ITPR2: variants seen among roughly 807,000 people sequenced by gnomAD.
ITPR2 encodes the protein inositol 1,4,5-trisphosphate receptor type 2, also known as inositol 1,4,5-trisphosphate-gated calcium channel ITPR2.
ITPR2 carries 207 observed loss-of-function variants against 317.1 expected under a neutral mutation model. That is an observed-to-expected ratio of 0.65 (90% confidence interval 0.58 to 0.73). The LOEUF (loss-of-function observed/expected upper bound fraction) is 0.73. ITPR2 is among the 30% of genes least tolerant of loss of function. ITPR2 has a pLI of 0.00. For synonymous variants in ITPR2, 1,156 were observed against 1,149.1 expected (o/e 1.01, Z -0.12); for missense variants, 2,613 against 3,284.0 (o/e 0.80, Z 4.99).
intron 21 of ITPR2, among the ~76,000 whole-genome samples, chr12:26,645,378 T>G (rs1239780580): frequency 6.6e-6 from 1 of 152,252 alleles, no homozygotes; most frequent in Non-Finnish European, 1.5e-5. Flanking sequence ...CTGCCTTTTC[T>G]TAGAGTCTAA....
intron 37 of ITPR2, among the ~76,000 whole-genome samples, chr12:26,537,811 C>G (rs909824019): frequency 1.3e-5 from 2 of 152,208 alleles, no homozygotes; most frequent in Non-Finnish European, 2.9e-5. Context: ...ATAGACCTAA[C>G]AACTTCACCG....
chr12:26,431,951 G>A (rs750934796), intron 48 of ITPR2, among the ~76,000 whole-genome samples: 47 of 152,154 alleles, frequency 3.1e-4, no homozygotes, highest in Non-Finnish European at 5.1e-4. Flanking sequence ...TGTGGTCCAA[G>A]ACTTACCAGG....
intron 53 of ITPR2, 131 bp downstream of exon 53, chr12:26,399,997 G>C (rs1477222096): frequency 1.1e-6 from 1 of 878,542 alleles, no homozygotes; most frequent in Non-Finnish European, 1.6e-6. Flanking sequence ...GGCTTTAACA[G>C]CCATGGTTAT....
chr12:26,346,623 C>CA (rs35862587), intron 55 of ITPR2, among the ~76,000 whole-genome samples: 32,174 of 135,324 alleles, frequency 0.24, 3,810 homozygotes, highest in East Asian at 0.52. Flanking sequence ...AAGACTTTCT[C>CA]AAAAAAAAAA....
chr12:26,638,491 C>T (rs562696021), intron 21 of ITPR2, among the ~76,000 whole-genome samples: 9 of 152,276 alleles, frequency 5.9e-5, no homozygotes, highest in South Asian at 2.1e-4. Context: ...CCCAGCCCCA[C>T]GACCAAAGGC....
Position 26,348,967 on chromosome 12 carries a change from G to A in ITPR2, c.7858-8639C>T, listed in dbSNP as rs141049460. ...CCTATAGTCCATCTTGGTCAACAGA[G>A]CAAGACCTCATCTCTACTAAAAATT... On this transcript the variant is annotated intron_variant, in intron 55 of 56. Transcript: ENST00000381340. Among the ~76,000 whole-genome samples the A allele has an allele frequency of 1.9e-3, 283 of 152,250 alleles. 1 individual carries two copies. The highest frequency in any genetic ancestry group is 0.01 in the Middle Eastern group (3 of 294).
At chr12:26,639,268 C>T (rs1946929371) in intron 21 of ITPR2, among the ~76,000 whole-genome samples, 2 of 152,146 alleles carry the variant, frequency 1.3e-5, no homozygotes, top group African/African-American at 2.4e-5. Flanking sequence ...GGGAAGTCTA[C>T]ATATAGGATA....
rs1944494624 is a variant in ITPR2 at position 26,550,332 on chromosome 12, A to G, written c.4988T>C (p.Leu1663Pro). The change falls in exon 37 of 57, where the codon CTA (leucine) becomes CCA (proline). Residue 1663 changes from leucine (L) to proline (P), a missense_variant. Physicochemically the swap from Leu to Pro is moderately conservative, Grantham distance 98. Coordinates refer to ENST00000381340, the MANE Select transcript of ITPR2 (RefSeq NM_002223.4). Reference sequence around the variant, plus strand: ...GCACAGTTTTTCTTCTTTCTCCATTAGTTTCTTTGTATGATTAATCAACCT... The same window carrying G: ...GCACAGTTTTTCTTCTTTCTCCATTGGTTTCTTTGTATGATTAATCAACCT... ...MSKLINHTKK[L>P]MEKEEKLCIK... The G allele has an allele frequency of 6.8e-7, 1 of 1,462,728 alleles. No homozygotes were observed. The highest frequency in any genetic ancestry group is 1.7e-5 in the Admixed American group (1 of 57,418). The allele number at this position is 1,462,728 out of a possible 1,614,324, so 90.6% of individuals were successfully genotyped here. A position where few individuals can be genotyped will look rare whatever the true frequency, so the allele number is the denominator to read the frequency against.
At chr12:26,495,809 G>C (rs950712472) in intron 37 of ITPR2, among the ~76,000 whole-genome samples, 15 of 152,174 alleles carry the variant, frequency 9.9e-5, no homozygotes, top group Non-Finnish European at 1.8e-4. Context: ...GGCTTAGGTA[G>C]AGGAATTTAG....
At chr12:26,680,070 A>G (rs1409867720) in intron 13 of ITPR2, among the ~76,000 whole-genome samples, 1 of 152,106 alleles carries the variant, frequency 6.6e-6, no homozygotes, top group Non-Finnish European at 1.5e-5. Context: ...AAAAGTCTTA[A>G]GAAGATTTTA....
chr12:26,652,926 C>T (rs922707102), intron 21 of ITPR2, among the ~76,000 whole-genome samples: 1 of 152,156 alleles, frequency 6.6e-6, no homozygotes, highest in Non-Finnish European at 1.5e-5. Flanking sequence ...CCAAGACAAT[C>T]GTCATAAAAA....
intron 2 of ITPR2, among the ~76,000 whole-genome samples, chr12:26,732,358 C>A (rs1359884996): frequency 6.6e-6 from 1 of 152,140 alleles, no homozygotes; most frequent in Non-Finnish European, 1.5e-5. Context: ...TTCCCTAGAT[C>A]CTTCAGGATA....
chr12:26,538,496 C>T (rs1447421942), intron 37 of ITPR2, among the ~76,000 whole-genome samples: 2 of 152,186 alleles, frequency 1.3e-5, no homozygotes, highest in Non-Finnish European at 2.9e-5. Context: ...GGAGAAGCAT[C>T]AAAGAAAGCA....
chr12:26,549,447 T>A (rs1944470097), intron 37 of ITPR2, among the ~76,000 whole-genome samples: 1 of 152,122 alleles, frequency 6.6e-6, no homozygotes, highest in South Asian at 2.1e-4. Context: ...AGCATATACA[T>A]AAAGTAATAC....
intron 9 of ITPR2, among the ~76,000 whole-genome samples, chr12:26,704,596 A>T (rs913137807): frequency 3.1e-5 from 4 of 128,706 alleles, no homozygotes; most frequent in African/African-American, 1.0e-4. Context: ...CATGCTAGTT[A>T]TTAATAATGA....
chr12:26,487,757 A>G (rs1054563448), intron 39 of ITPR2, among the ~76,000 whole-genome samples: 8 of 152,190 alleles, frequency 5.3e-5, no homozygotes, highest in South Asian at 2.1e-4. Context: ...GAGTTTATGG[A>G]AAGTTACAAA....
At chr12:26,754,226 CT>C (rs1285522152) in intron 2 of ITPR2, among the ~76,000 whole-genome samples, 1 of 152,060 alleles carries the variant, frequency 6.6e-6, no homozygotes, top group Non-Finnish European at 1.5e-5. Flanking sequence ...CTAAATTATG[CT>C]GGTCAGATAT....
intron 55 of ITPR2, among the ~76,000 whole-genome samples, chr12:26,374,641 G>A (rs1484983370): frequency 6.6e-6 from 1 of 152,228 alleles, no homozygotes; most frequent in Non-Finnish European, 1.5e-5. Flanking sequence ...CAGACACCAT[G>A]TTAGGTGCTA....
intron 1 of ITPR2, among the ~76,000 whole-genome samples, chr12:26,808,620 G>T (rs140167811): frequency 6.6e-6 from 1 of 152,182 alleles, no homozygotes; most frequent in East Asian, 1.9e-4. Flanking sequence ...GGGTCCAAGG[G>T]ATAGCCTTCA....
Sources: allele counts gnomAD v4.1 joint callset (sites outside exome capture counted in the v4.1 genomes callset), GRCh38; gene constraint gnomAD v4.1.1; transcripts MANE v1.5; gene names NCBI Gene and HGNC (gene_info 2026-07-23, HGNC 2026-07-21).